ROBO2: variants seen among roughly 807,000 people sequenced by gnomAD.
ROBO2 encodes roundabout homolog 2.
Under a neutral mutation model 160.8 loss-of-function variants are expected in ROBO2, and 53 were observed. The ratio of observed to expected loss-of-function variants is 0.33; its 90% CI spans 0.26 to 0.41. The LOEUF is 0.41. Ranked by LOEUF, ROBO2 falls within the 10% of genes least tolerant of loss-of-function variation. The pLI is 1.00. For synonymous variants in ROBO2, 664 were observed against 611.7 expected (o/e 1.09, Z -1.26); for missense variants, 1,577 against 1,722.4 (o/e 0.92, Z 1.49).
intron 2 of ROBO2, among the ~76,000 whole-genome samples, chr3:75,967,222 G>A (rs1271864267): frequency 1.3e-5 from 2 of 151,588 alleles, no homozygotes; most frequent in Non-Finnish European, 3.0e-5. Flanking sequence ...TCAGCAGGAT[G>A]AGGCACATGC....
chr3:75,982,659 C>G (rs930312616), intron 2 of ROBO2, among the ~76,000 whole-genome samples: 1 of 151,526 alleles, frequency 6.6e-6, no homozygotes, highest in African/African-American at 2.4e-5. Context: ...TTTGTGATTT[C>G]ACATCTTTGT....
At chr3:75,915,123 A>T (rs2106770883) in intron 1 of ROBO2, among the ~76,000 whole-genome samples, 1 of 152,282 alleles carries the variant, frequency 6.6e-6, no homozygotes, top group East Asian at 1.9e-4. Context: ...GAGGATGATA[A>T]ATGATGTTGT....
chr3:75,967,707 C>A (rs1009926678), intron 2 of ROBO2, among the ~76,000 whole-genome samples: 9 of 151,350 alleles, frequency 5.9e-5, no homozygotes, highest in Admixed American at 3.3e-4. Flanking sequence ...GTTTTTAATG[C>A]ATAGTTACCA....
Position 76,516,177 on chromosome 3 carries a change from G to T in ROBO2, c.109+578575G>T, listed in dbSNP as rs184420982. On this transcript the variant is annotated intron_variant, in intron 2 of 26. Transcript: ENST00000487694. ...TAGATTTGTTACAATCTTGATTTTG[G>T]CTGATAAATGTATGTTTCATGGTAG... Among the ~76,000 whole-genome samples the T allele has an allele frequency of 5.3e-4, 81 of 152,138 alleles. No individual in the cohort carries two copies. In the Middle Eastern group the frequency reaches 0.014, roughly 26 times the overall value.
intron 2 of ROBO2, among the ~76,000 whole-genome samples, chr3:76,706,147 C>T (rs934276010): frequency 6.6e-6 from 1 of 151,970 alleles, no homozygotes; most frequent in Non-Finnish European, 1.5e-5. Flanking sequence ...ATTAAGAAAG[C>T]ACCTCAATAG....
At chr3:76,437,859 C>G (rs960270719) in intron 2 of ROBO2, among the ~76,000 whole-genome samples, 2 of 152,156 alleles carry the variant, frequency 1.3e-5, no homozygotes, top group Non-Finnish European at 2.9e-5. Context: ...AACAACATAT[C>G]TGCCTCTTGG....
chr3:77,306,792 C>A (rs1026609117), intron 2 of ROBO2, among the ~76,000 whole-genome samples: 28 of 152,144 alleles, frequency 1.8e-4, no homozygotes, highest in Non-Finnish European at 1.2e-4. Flanking sequence ...AATGTTTAAT[C>A]TTAGAATGGC....
intron 2 of ROBO2, among the ~76,000 whole-genome samples, chr3:76,150,259 A>G (rs2106836227): frequency 7.5e-6 from 1 of 133,254 alleles, no homozygotes; most frequent in East Asian, 2.5e-4. Context: ...TGTCTAAAGC[A>G]CACCTCTGTT....
chr3:77,367,436 C>T (rs185122730), intron 2 of ROBO2, among the ~76,000 whole-genome samples: 12 of 152,032 alleles, frequency 7.9e-5, no homozygotes, highest in Non-Finnish European at 1.5e-5. Flanking sequence ...CTAGTACACA[C>T]GCTGAGAATC....
chr3:76,575,240 T>G (rs1469206704), intron 2 of ROBO2, among the ~76,000 whole-genome samples: 1 of 152,018 alleles, frequency 6.6e-6, no homozygotes, highest in Non-Finnish European at 1.5e-5. Context: ...TCTGTACAGT[T>G]TTAATATGCA....
chr3:75,994,280 T>C (rs2065662401), intron 2 of ROBO2, among the ~76,000 whole-genome samples: 1 of 152,182 alleles, frequency 6.6e-6, no homozygotes, highest in South Asian at 2.1e-4. Flanking sequence ...AATTTCAAAA[T>C]TGTCATCACC....
chr3:77,200,265 T>TATATA (rs2082717549), intron 2 of ROBO2, among the ~76,000 whole-genome samples: 4 of 59,040 alleles, frequency 6.8e-5, no homozygotes, highest in Non-Finnish European at 1.0e-4. Flanking sequence ...AACTAACATA[T>TATATA]TTTATATATA....
chr3:76,659,399 A>G lies in ROBO2; in HGVS notation c.110-438615A>G, dbSNP rs979222804. On this transcript the variant is annotated intron_variant, in intron 2 of 26. Coordinates refer to the ROBO2 transcript ENST00000487694. Reference sequence around the variant, plus strand: ...ATAATTCCTATGTAATATATATAATATTATATTACATACATACTCCATTAC... The same window carrying G: ...ATAATTCCTATGTAATATATATAATGTTATATTACATACATACTCCATTAC... Among the ~76,000 whole-genome samples the G allele has an allele frequency of 3.3e-4, 50 of 150,150 alleles. 1 individual carries two copies. The highest frequency in any genetic ancestry group is 6.8e-4 in the Non-Finnish European group (46 of 67,634).
chr3:77,596,462 C>G (rs1296035397), intron 18 of ROBO2, among the ~76,000 whole-genome samples, 161 bp from the exon 20 acceptor site: 1 of 152,166 alleles, frequency 6.6e-6, no homozygotes, highest in African/African-American at 2.4e-5. Flanking sequence ...TATGTATAGC[C>G]TTAATGAATT....
intron 2 of ROBO2, among the ~76,000 whole-genome samples, chr3:76,668,369 A>G (rs559932918): frequency 6.6e-6 from 1 of 152,196 alleles, no homozygotes; most frequent in Admixed American, 6.6e-5. Flanking sequence ...CAGCCTCCCA[A>G]AGTATTGGAA....
At chr3:77,019,248 T>C (rs1481244065) in intron 2 of ROBO2, among the ~76,000 whole-genome samples, 1 of 152,152 alleles carries the variant, frequency 6.6e-6, no homozygotes, top group African/African-American at 2.4e-5. Flanking sequence ...TCAATGCTTG[T>C]TGAGTGCCAT....
intron 2 of ROBO2, among the ~76,000 whole-genome samples, chr3:76,130,800 A>G (rs557839259): frequency 9.2e-5 from 14 of 152,298 alleles, no homozygotes; most frequent in African/African-American, 3.1e-4. Context: ...TAAGCAACCA[A>G]CAGTAAGTAT....
At chr3:77,300,311 A>G (rs1307831130) in intron 2 of ROBO2, among the ~76,000 whole-genome samples, 3 of 151,586 alleles carry the variant, frequency 2.0e-5, no homozygotes, top group African/African-American at 7.3e-5. Flanking sequence ...GAGTTGATTT[A>G]GTTTATAGAG....
intron 2 of ROBO2, among the ~76,000 whole-genome samples, chr3:77,393,591 TATATA>T (rs1464576778): frequency 6.7e-6 from 1 of 148,696 alleles, no homozygotes; most frequent in Non-Finnish European, 1.5e-5. Flanking sequence ...TATATAGTAA[TATATA>T]ATATATTTAT....
Sources: gnomAD v4.1 joint callset for allele counts (sites outside exome capture counted in the v4.1 genomes callset) on GRCh38, gnomAD v4.1.1 for gene constraint, MANE v1.5 for transcripts, NCBI Gene and HGNC (gene_info 2026-07-23, HGNC 2026-07-21) for gene names.